The following PCNX2 variants were observed in gnomAD, a reference collection of about 807,000 sequenced individuals.
PCNX2 encodes pecanex-like protein 2.
In PCNX2, 168 loss-of-function variants were observed where a neutral mutation model predicts 223.8. The observed-to-expected ratio is 0.75, with a 90% CI of 0.66 to 0.85. PCNX2 has a LOEUF of 0.85. PCNX2 is among the 40% of genes least tolerant of loss of function. The pLI is 0.00. For missense variants in PCNX2, 2,507 were observed against 2,675.5 expected (o/e 0.94, Z 1.39); for synonymous variants, 1,006 against 1,052.6 (o/e 0.96, Z 0.86).
intron 7 of PCNX2, 33 bp downstream of exon 7, chr1:233,252,321 C>A: frequency 6.3e-7 from 1 of 1,576,858 alleles, no homozygotes; most frequent in Non-Finnish European, 8.6e-7. Context: ...GTTTTCCCTG[C>A]TTGTTCATTA....
At chr1:233,045,922 C>G (rs182756032) in intron 25 of PCNX2, among the ~76,000 whole-genome samples, 1 of 152,256 alleles carries the variant, frequency 6.6e-6, no homozygotes, top group Non-Finnish European at 1.5e-5. Context: ...AGCTGCAAAG[C>G]CTGCTTTGCT....
intron 17 of PCNX2, among the ~76,000 whole-genome samples, chr1:233,176,655 T>C (rs1033313713): frequency 2.0e-5 from 3 of 152,234 alleles, no homozygotes; most frequent in Non-Finnish European, 4.4e-5. Flanking sequence ...GTGACTATCC[T>C]GGCAAACTGC....
intron 25 of PCNX2, among the ~76,000 whole-genome samples, chr1:233,044,322 G>A (rs377439685): frequency 2.6e-5 from 4 of 152,168 alleles, no homozygotes; most frequent in East Asian, 1.9e-4. Context: ...TTTGTCAGAT[G>A]AGTAGGTTGC....
In PCNX2 at chr1:233,258,878, G is replaced by A. The variant is rs746541624; in HGVS notation, c.984C>T (p.Asp328=). Residue 328 remains aspartate (D), a synonymous_variant, in exon 5 of 34, where the codon GAC becomes GAT. Transcript: ENST00000258229. ...IVAKPVEEPA[D]TSCQVDTSCQ... Reference sequence around the variant, plus strand: ...AGGAGGTATCTACCTGACAGGATGTGTCTGCTGGCTCCTCCACAGGCTTGG... The same window carrying A: ...AGGAGGTATCTACCTGACAGGATGTATCTGCTGGCTCCTCCACAGGCTTGG... 1.9e-6 allele frequency: 3 copies of A among 1,613,970 alleles called. No homozygotes were observed. In the South Asian group the frequency reaches 3.3e-5, roughly 18 times the overall value.
intron 8 of PCNX2, among the ~76,000 whole-genome samples, chr1:233,245,510 A>G (rs1659056378): frequency 6.6e-6 from 1 of 152,194 alleles, no homozygotes; most frequent in Non-Finnish European, 1.5e-5. Flanking sequence ...GGGCTGAGGG[A>G]GGAGGGCAGA....
Position 232,991,310 on chromosome 1 carries a change from G to T in PCNX2, c.5792-4770C>A, listed in dbSNP as rs1049705573. Among the ~76,000 whole-genome samples the T allele has an allele frequency of 6.6e-6, 1 of 152,094 alleles. No individual in the cohort carries two copies. Among genetic ancestry groups the T allele is most frequent in the Admixed American group, 6.5e-5 (1 of 15,284 alleles). On this transcript the variant is annotated intron_variant, in intron 32 of 33. Transcript: ENST00000258229. This position sits in a 1 kb window ranked among gnomAD's most constrained non-coding sequence, Gnocchi z 4.3. ...GCAGCTGAGGGGGCCCTGGAAAGGA[G>T]AATGCTTGACACTGTTGAGGGACAG...
At chr1:233,183,148 A>G (rs1390672594) in intron 15 of PCNX2, among the ~76,000 whole-genome samples, 1 of 152,152 alleles carries the variant, frequency 6.6e-6, no homozygotes, top group African/African-American at 2.4e-5. Context: ...CATGTTAGAA[A>G]AGACATTCTG....
Position 233,069,513 on chromosome 1 carries a change from C to A in PCNX2, c.4077-12223G>T, listed in dbSNP as rs146936768. Among the ~76,000 whole-genome samples, 305 of 152,142 alleles carry A rather than the reference C, an allele frequency of 2.0e-3. 1 individual carries two copies. Among genetic ancestry groups the A allele is most frequent in the Admixed American group, 5.9e-3 (90 of 15,290 alleles). Reference sequence around the variant, plus strand: ...AAAATGAAATCATACAGAGTTTGTTCTCCAACCATAATGGACTTAAACTAG... The same window carrying A: ...AAAATGAAATCATACAGAGTTTGTTATCCAACCATAATGGACTTAAACTAG... On this transcript the variant is annotated intron_variant, in intron 23 of 33. Coordinates refer to ENST00000258229, the MANE Select transcript of PCNX2 (RefSeq NM_014801.4).
intron 10 of PCNX2, 79 bp from the exon 11 acceptor site, chr1:233,218,263 TTC>T: frequency 1.8e-6 from 2 of 1,104,170 alleles, no homozygotes; most frequent in South Asian, 3.4e-5. Context: ...TTTTTTTTTT[TTC>T]TGAGATGGAA....
intron 17 of PCNX2, among the ~76,000 whole-genome samples, chr1:233,168,242 G>A (rs1399495595): frequency 6.7e-6 from 1 of 149,646 alleles, no homozygotes. Flanking sequence ...AGAACATAGA[G>A]AAGAGAGGGG....
At chr1:233,156,419 G>T (rs372704427) in intron 19 of PCNX2, among the ~76,000 whole-genome samples, 1 of 152,118 alleles carries the variant, frequency 6.6e-6, no homozygotes, top group African/African-American at 2.4e-5. Flanking sequence ...TACATTAAAC[G>T]CAGTTCAGCA....
At chr1:233,056,989 A>G (rs1672214421) in intron 24 of PCNX2, among the ~76,000 whole-genome samples, 1 of 152,092 alleles carries the variant, frequency 6.6e-6, no homozygotes, top group Non-Finnish European at 1.5e-5. Flanking sequence ...AAATGTCTTG[A>G]TTAACAGGGG....
In PCNX2 at chr1:233,245,787, G is replaced by A. The variant is rs749339498; in HGVS notation, c.2222+4952C>T. Among the ~76,000 whole-genome samples, 48 of 152,050 alleles carry A rather than the reference G, an allele frequency of 3.2e-4. No homozygotes were observed. The Middle Eastern group carries it at 0.01, about 32-fold the overall frequency. On this transcript the variant is annotated intron_variant, in intron 8 of 33. Coordinates refer to ENST00000258229, the MANE Select transcript of PCNX2 (RefSeq NM_014801.4). ...AAAATTAGCCCGGCTGTGGTGGCGC[G>A]CGCCTGTAATCCCAGCTATTCAGGA...
intron 27 of PCNX2, among the ~76,000 whole-genome samples, chr1:233,015,393 A>T (rs745954668): frequency 5.3e-5 from 8 of 152,150 alleles, no homozygotes; most frequent in Non-Finnish European, 1.2e-4. Flanking sequence ...TCTCCATAAA[A>T]TTTTTTTAAA....
intron 21 of PCNX2, among the ~76,000 whole-genome samples, chr1:233,108,329 G>A (rs992985716): frequency 1.4e-4 from 21 of 152,184 alleles, no homozygotes; most frequent in African/African-American, 5.1e-4. Flanking sequence ...AGGAGAGAAA[G>A]ATACCTTCAG....
chr1:233,077,607 T>C (rs1673152925), intron 23 of PCNX2, among the ~76,000 whole-genome samples: 1 of 152,228 alleles, frequency 6.6e-6, no homozygotes, highest in Non-Finnish European at 1.5e-5. Flanking sequence ...GTCTGTCCTA[T>C]GCCTCTCTCA....
At chr1:233,025,692 G>A (rs1671059188) in intron 25 of PCNX2, 1 of 419,858 alleles carries the variant, frequency 2.4e-6, no homozygotes, top group Non-Finnish European at 4.3e-6. Context: ...CATTTCAGTG[G>A]GAGGCAGTAG....
chr1:233,178,968 G>A, intron 16 of PCNX2, 98 bp downstream of exon 16: 1 of 993,162 alleles, frequency 1.0e-6, no homozygotes, highest in South Asian at 1.7e-5. Flanking sequence ...ATCACAATGG[G>A]CAGTGAATTG....
chr1:233,255,865 A>C (rs1659707669), intron 5 of PCNX2, among the ~76,000 whole-genome samples: 1 of 152,200 alleles, frequency 6.6e-6, no homozygotes, highest in African/African-American at 2.4e-5. Flanking sequence ...GATTATAATA[A>C]CAAATACTTT....
Sources: gnomAD v4.1 joint callset for allele counts (sites outside exome capture counted in the v4.1 genomes callset) on GRCh38, gnomAD v4.1.1 for gene constraint, Gnocchi (gnomAD v3.1) non-coding constraint, MANE v1.5 for transcripts, NCBI Gene and HGNC (gene_info 2026-07-23, HGNC 2026-07-21) for gene names.